CHST9: variants seen among roughly 807,000 people sequenced by gnomAD.
CHST9 encodes the protein GalNAc-4-sulfotransferase 2.
CHST9 carries 41 observed loss-of-function variants against 44.4 expected under a neutral mutation model. That is an observed-to-expected ratio of 0.92 (90% CI 0.72 to 1.20). The LOEUF (loss-of-function observed/expected upper bound fraction) is 1.20. Ranked by LOEUF, CHST9 falls within the 50% of genes most tolerant of loss-of-function variation. CHST9 has a pLI of 0.00. For missense variants in CHST9, 504 were observed against 516.5 expected (o/e 0.98, Z 0.23); for synonymous variants, 171 against 178.4 (o/e 0.96, Z 0.33).
chr18:27,018,947 A>T (rs1291522462), intron 4 of CHST9, among the ~76,000 whole-genome samples: 2 of 152,078 alleles, frequency 1.3e-5, no homozygotes, highest in East Asian at 1.9e-4. Flanking sequence ...ACACCATAGC[A>T]CCTTCTTCTC....
chr18:27,088,464 G>C (rs2058034748), intron 2 of CHST9, among the ~76,000 whole-genome samples: 1 of 149,938 alleles, frequency 6.7e-6, no homozygotes, highest in African/African-American at 2.5e-5. Flanking sequence ...GCGCGATCTC[G>C]GCTCACTGCA....
At chr18:27,006,429 T>C (rs1245515003) in intron 4 of CHST9, among the ~76,000 whole-genome samples, 4 of 152,212 alleles carry the variant, frequency 2.6e-5, no homozygotes, top group African/African-American at 9.6e-5. Flanking sequence ...GTGTGGGTCA[T>C]GAACTGAATC....
intron 3 of CHST9, among the ~76,000 whole-genome samples, chr18:27,042,897 C>T (rs2057461345): frequency 6.6e-6 from 1 of 151,892 alleles, no homozygotes; most frequent in Admixed American, 6.6e-5. Flanking sequence ...TGCTCCCCAA[C>T]CCCTTGTCAC....
intron 4 of CHST9, 65 bp downstream of exon 4, chr18:27,024,051 T>C: frequency 6.9e-7 from 1 of 1,450,686 alleles, no homozygotes; most frequent in African/African-American, 1.4e-5. Context: ...TTTTCAGATA[T>C]TCTAGTTGTT....
At chr18:27,005,691 T>G (rs1314328188) in intron 4 of CHST9, among the ~76,000 whole-genome samples, 2 of 152,156 alleles carry the variant, frequency 1.3e-5, no homozygotes, top group Admixed American at 1.3e-4. Flanking sequence ...ACAGAGGGGT[T>G]ATATCAATTG....
intron 2 of CHST9, among the ~76,000 whole-genome samples, chr18:27,142,293 G>A (rs1473390600): frequency 6.6e-6 from 1 of 152,158 alleles, no homozygotes; most frequent in Non-Finnish European, 1.5e-5. Flanking sequence ...CCAATTTTGA[G>A]TATCAATATA....
intron 4 of CHST9, among the ~76,000 whole-genome samples, chr18:27,006,143 G>A (rs1203322980): frequency 1.3e-5 from 2 of 152,048 alleles, no homozygotes; most frequent in Non-Finnish European, 2.9e-5. Flanking sequence ...TAAAACGATC[G>A]GTATGCCACT....
intron 1 of CHST9, among the ~76,000 whole-genome samples, chr18:27,158,158 G>T (rs925209595): frequency 1.3e-5 from 2 of 152,048 alleles, no homozygotes; most frequent in African/African-American, 4.8e-5. Flanking sequence ...CAACGTGCAG[G>T]TTAGTTACAT....
intron 2 of CHST9, among the ~76,000 whole-genome samples, chr18:27,108,087 C>T (rs2058237774): frequency 6.6e-6 from 1 of 152,146 alleles, no homozygotes; most frequent in South Asian, 2.1e-4. Context: ...AGACACCTAA[C>T]TATTGCCTGT....
In CHST9 at chr18:26,944,557, CTGTGTT is replaced by C. The variant is rs554292108; in HGVS notation, c.203-197_203-192del. On this transcript the variant is annotated intron_variant, in intron 4 of 5. Transcript: ENST00000618847. ...GAAAAAAAGCCAAAACCTAAATAAACTGTGTTAGGCAAAGATAACAGAAAATGGAGT... is the reference window on the plus strand; with the variant it reads ...GAAAAAAAGCCAAAACCTAAATAAACAGGCAAAGATAACAGAAAATGGAGT... Among the ~76,000 whole-genome samples, 580 of 152,154 alleles carry C rather than the reference CTGTGTT, an allele frequency of 3.8e-3. 2 individuals carry two copies. The highest frequency in any genetic ancestry group is 0.013 in the African/African-American group (551 of 41,522).
chr18:26,922,183 C>CTTCTCT lies in CHST9; in HGVS notation c.241-4834_241-4833insAGAGAA, dbSNP rs533859329. ...TTTTTTGCTTCTCTCTTAACACATG[C>CTTCTCT]CCTGTCCTCCACTTGCTTTTATCTG... On this transcript the variant is annotated intron_variant, in intron 5 of 5. Transcript: ENST00000618847. Among the ~76,000 whole-genome samples, 510 of 152,242 alleles carry CTTCTCT rather than the reference C, an allele frequency of 3.3e-3. 6 individuals carry two copies. Among genetic ancestry groups the CTTCTCT allele is most frequent in the African/African-American group, 0.011 (454 of 41,518 alleles).
At chr18:26,973,203 C>T (rs2056574721) in intron 4 of CHST9, among the ~76,000 whole-genome samples, 1 of 152,144 alleles carries the variant, frequency 6.6e-6, no homozygotes. Context: ...CTATAGTTTA[C>T]CTAATTCCTT....
chr18:26,991,765 A>G (rs1224773259), intron 4 of CHST9, among the ~76,000 whole-genome samples: 2 of 128,442 alleles, frequency 1.6e-5, no homozygotes, highest in Admixed American at 1.7e-4. Context: ...TGTTTCTGAC[A>G]GGTCTGATGA....
chr18:26,947,443 G>T (rs1019586644), intron 4 of CHST9, among the ~76,000 whole-genome samples: 1 of 152,148 alleles, frequency 6.6e-6, no homozygotes, highest in Admixed American at 6.5e-5. Context: ...CACAGCAAAA[G>T]AAACTTTCAT....
chr18:26,951,529 G>A (rs2056248099), intron 4 of CHST9, among the ~76,000 whole-genome samples: 1 of 149,604 alleles, frequency 6.7e-6, no homozygotes, highest in Admixed American at 6.8e-5. Context: ...GCATAGATCT[G>A]CAAGAATCTA....
chr18:27,105,837 T>C (rs1271305651), intron 2 of CHST9, among the ~76,000 whole-genome samples: 1 of 152,058 alleles, frequency 6.6e-6, no homozygotes, highest in Non-Finnish European at 1.5e-5. Context: ...AAATTTAAGG[T>C]GATAGTCTAA....
chr18:26,944,458 C>G (rs1260101879), intron 4 of CHST9, 92 bp from the exon 5 acceptor site: 1 of 879,466 alleles, frequency 1.1e-6, no homozygotes, highest in East Asian at 2.5e-5. Context: ...TAAACACTTC[C>G]AAAGTGGTCA....
intron 4 of CHST9, among the ~76,000 whole-genome samples, chr18:26,955,643 A>T (rs983039673): frequency 6.6e-6 from 1 of 152,156 alleles, no homozygotes; most frequent in African/African-American, 2.4e-5. Flanking sequence ...GAGGCTGGAT[A>T]CAAGTTTCCT....
At chr18:27,174,393 T>C (rs1225342035) in intron 1 of CHST9, among the ~76,000 whole-genome samples, 1 of 152,100 alleles carries the variant, frequency 6.6e-6, no homozygotes, top group East Asian at 1.9e-4. Context: ...AGCAGAATAC[T>C]TCAGAAGAGA....
Sources: gnomAD v4.1 joint callset for allele counts (sites outside exome capture counted in the v4.1 genomes callset) on GRCh38, gnomAD v4.1.1 for gene constraint, MANE v1.5 for transcripts, NCBI Gene and HGNC (gene_info 2026-07-23, HGNC 2026-07-21) for gene names.